SESTD1: variants seen among roughly 807,000 people sequenced by gnomAD.
SESTD1 encodes SEC14 and spectrin domain containing 1, also known as SEC14 domain and spectrin repeat-containing protein 1.
SESTD1 carries 43 observed loss-of-function variants against 101.7 expected under a neutral mutation model. The observed-to-expected ratio is 0.42, with a 90% CI of 0.33 to 0.55. The LOEUF is 0.55. SESTD1 is among the 20% of genes least tolerant of loss of function. SESTD1 has a pLI of 0.07. For missense variants in SESTD1, 647 were observed against 815.1 expected, an observed-to-expected ratio of 0.79 and a Z score of 2.51; for synonymous variants, 283 against 286.8, an observed-to-expected ratio of 0.99 and a Z score of 0.13.
chr2:179,183,706 C>T (rs562724907), intron 2 of SESTD1, among the ~76,000 whole-genome samples: 20 of 151,770 alleles, frequency 1.3e-4, no homozygotes, highest in Non-Finnish European at 2.4e-4. Context: ...GGGGTATTGG[C>T]GTGTCTGTAG....
chr2:179,125,085 G>A (rs756193539), intron 10 of SESTD1, among the ~76,000 whole-genome samples: 6 of 151,996 alleles, frequency 3.9e-5, no homozygotes, highest in Non-Finnish European at 5.9e-5. Flanking sequence ...TGAACCTCCA[G>A]TTCCTTGACT....
chr2:179,263,481 T>C (rs1482971459), intron 1 of SESTD1, among the ~76,000 whole-genome samples: 1 of 152,100 alleles, frequency 6.6e-6, no homozygotes, highest in Non-Finnish European at 1.5e-5. Flanking sequence ...AGGATTAGGA[T>C]TTTGAGTGGC....
intron 4 of SESTD1, among the ~76,000 whole-genome samples, chr2:179,175,059 T>A (rs2045988356): frequency 1.3e-5 from 2 of 152,020 alleles, no homozygotes; most frequent in Non-Finnish European, 2.9e-5. Context: ...AGCAGACACA[T>A]GCCACTGGTA....
chr2:179,150,039 G>A (rs1248871959), intron 6 of SESTD1, among the ~76,000 whole-genome samples: 1 of 152,052 alleles, frequency 6.6e-6, no homozygotes, highest in African/African-American at 2.4e-5. Context: ...ACTGGCCTGG[G>A]CAACATGGAG....
Position 179,106,124 on chromosome 2 carries a change from G to T in SESTD1, c.*3775C>A, listed in dbSNP as rs1575413304. Reference sequence around the variant, plus strand: ...CTAATTAGGTTAACTGCTTAGCTATGTTCCAGCCATGTTTTTAATGCTAGA... The same window carrying T: ...CTAATTAGGTTAACTGCTTAGCTATTTTCCAGCCATGTTTTTAATGCTAGA... On this transcript the variant is annotated 3_prime_UTR_variant, in exon 18 of 18. Transcript: ENST00000428443. 1.7e-5 allele frequency: 2 copies of T among 116,282 alleles called. No homozygotes were observed. Among genetic ancestry groups the T allele is most frequent in the African/African-American group, 6.8e-5 (2 of 29,618 alleles). The allele number at this position is 116,282 out of a possible 1,614,324, so 7.2% of individuals were successfully genotyped here.
chr2:179,251,838 G>T (rs1177077786), intron 1 of SESTD1, among the ~76,000 whole-genome samples: 1 of 152,072 alleles, frequency 6.6e-6, no homozygotes, highest in African/African-American at 2.4e-5. Flanking sequence ...GCCCTCACCA[G>T]ATACAAAATC....
chr2:179,119,451 G>A (rs1358776861), intron 13 of SESTD1, among the ~76,000 whole-genome samples: 6 of 152,242 alleles, frequency 3.9e-5, no homozygotes, highest in Non-Finnish European at 7.4e-5. Context: ...TTTGGATCTG[G>A]GTTTTGGATT....
intron 1 of SESTD1, among the ~76,000 whole-genome samples, chr2:179,201,918 T>TATAATAATAATAATAATA (rs147660848): frequency 3.9e-5 from 4 of 103,278 alleles, no homozygotes; most frequent in Admixed American, 9.4e-5. Context: ...AAACTTAAAG[T>TATAATAATAATAATAATA]ATAATAATAA....
chr2:179,196,710 C>T (rs888719688), intron 1 of SESTD1, among the ~76,000 whole-genome samples: 1 of 152,166 alleles, frequency 6.6e-6, no homozygotes, highest in East Asian at 1.9e-4. Flanking sequence ...TGACACCTCA[C>T]ACGGCTGGGT....
intron 1 of SESTD1, among the ~76,000 whole-genome samples, chr2:179,247,234 TA>T (rs1184341403): frequency 1.3e-5 from 2 of 152,074 alleles, no homozygotes; most frequent in African/African-American, 2.4e-5. Context: ...TTTTTTTTTT[TA>T]ATTCCAACTT....
chr2:179,201,055 T>G (rs1344648386), intron 1 of SESTD1, among the ~76,000 whole-genome samples: 1 of 133,606 alleles, frequency 7.5e-6, no homozygotes, highest in Non-Finnish European at 1.6e-5. Context: ...GAATCTACAA[T>G]GAACTCCAAC....
At chr2:179,182,734 T>G (rs1216114796) in intron 3 of SESTD1, among the ~76,000 whole-genome samples, 2 of 152,172 alleles carry the variant, frequency 1.3e-5, no homozygotes, top group Non-Finnish European at 2.9e-5. Flanking sequence ...CAGACGTATT[T>G]ATATCAATAT....
intron 4 of SESTD1, among the ~76,000 whole-genome samples, chr2:179,175,517 C>T (rs1051804461): frequency 1.3e-5 from 2 of 152,114 alleles, no homozygotes; most frequent in African/African-American, 4.8e-5. Flanking sequence ...ACTTATGTTT[C>T]CCCTAGACTG....
chr2:179,225,323 T>C (rs1559151038), intron 1 of SESTD1, among the ~76,000 whole-genome samples: 2 of 152,178 alleles, frequency 1.3e-5, no homozygotes, highest in Admixed American at 6.5e-5. Flanking sequence ...CTCTAAGTTA[T>C]ATAAATTCTC....
intron 2 of SESTD1, among the ~76,000 whole-genome samples, chr2:179,186,851 C>G (rs564794881): frequency 6.6e-6 from 1 of 151,474 alleles, no homozygotes. Context: ...TGTAGAGCAT[C>G]AAAAATCTTA....
chr2:179,156,287 A>G (rs1456892533), intron 5 of SESTD1, among the ~76,000 whole-genome samples: 1 of 152,154 alleles, frequency 6.6e-6, no homozygotes, highest in Non-Finnish European at 1.5e-5. Context: ...TTGTGCTGCT[A>G]TAAACACGCA....
chr2:179,166,026 A>G (rs952260161), intron 5 of SESTD1, among the ~76,000 whole-genome samples: 1 of 152,232 alleles, frequency 6.6e-6, no homozygotes, highest in African/African-American at 2.4e-5. Flanking sequence ...ATCTTCAAGA[A>G]GATGGAACTG....
rs186673059 is a variant in SESTD1, at chr2:179,211,439, C to T, written c.-25-19573G>A. ...ACTACAAGACTATAGTTACCAAAAC[C>T]GCAGGGAACTAGTATAAAAACTGGC... On this transcript the variant is annotated intron_variant, in intron 1 of 17. Transcript: ENST00000428443. Among the ~76,000 whole-genome samples the T allele has an allele frequency of 2.4e-4, 32 of 133,966 alleles. 3 individuals carry two copies. The highest frequency in any genetic ancestry group is 1.7e-3 in the South Asian group (6 of 3,500). The allele number at this position is 133,966 out of a possible 152,430, so 87.9% of individuals were successfully genotyped here. A position where few individuals can be genotyped will look rare whatever the true frequency, so the allele number is the denominator to read the frequency against.
At chr2:179,198,981 C>A (rs559906541) in intron 1 of SESTD1, among the ~76,000 whole-genome samples, 1 of 152,150 alleles carries the variant, frequency 6.6e-6, no homozygotes, top group South Asian at 2.1e-4. Flanking sequence ...GAAATAGAGA[C>A]ACAAAAAATC....
Sources: gnomAD v4.1 joint callset for allele counts (sites outside exome capture counted in the v4.1 genomes callset) on GRCh38, gnomAD v4.1.1 for gene constraint, MANE v1.5 for transcripts, NCBI Gene and HGNC (gene_info 2026-07-23, HGNC 2026-07-21) for gene names.